Variants in RTKN observed in about 807,000 individuals in gnomAD.
RTKN encodes the protein rhotekin.
In RTKN, 49 loss-of-function variants were observed where a neutral mutation model predicts 63.5. That is an observed-to-expected ratio of 0.77 (90% confidence interval 0.61 to 0.98). The LOEUF is 0.98. Among genes scored for constraint, RTKN ranks in the 50% least tolerant of loss-of-function variants. The pLI, the probability that RTKN is intolerant of heterozygous loss-of-function variation, is 0.00. For missense variants in RTKN, 685 were observed against 740.8 expected, an observed-to-expected ratio of 0.92 and a Z score of 0.87; for synonymous variants, 295 against 290.4, an observed-to-expected ratio of 1.02 and a Z score of -0.16.
chr2:74,437,495 C>T (rs1671124703), intron 1 of RTKN, among the ~76,000 whole-genome samples: 1 of 152,130 alleles, frequency 6.6e-6, no homozygotes, highest in South Asian at 2.1e-4. Flanking sequence ...AGAACTTGAA[C>T]AGGCCTTCCA....
rs566809905 is a variant in RTKN at position 74,428,161 on chromosome 2, G to C, written c.1086+107C>G. ...CTGGATGTGGCACTGTCAGGAGCAG[G>C]AGGCCTGCTTCTATCTCTCTGAGGT... On this transcript the variant is annotated intron_variant, in intron 9 of 11. Transcript: ENST00000272430. 8 of 1,457,572 alleles carry C rather than the reference G, an allele frequency of 5.5e-6. No homozygotes were observed. The South Asian group carries it at 9.6e-5, about 17-fold the overall frequency. The allele number at this position is 1,457,572 out of a possible 1,614,324, so 90.3% of individuals were successfully genotyped here.
At position 74,436,697 on chromosome 2, in the gene RTKN, ACCT is replaced by A. The variant is rs1671081080; in HGVS notation, c.112-4034_112-4032del. On this transcript the variant is annotated intron_variant, in intron 1 of 11. Coordinates refer to ENST00000272430, the MANE Select transcript of RTKN (RefSeq NM_001015055.2). The surrounding 1 kb of genome is among the most constrained non-coding windows in gnomAD (Gnocchi z 4.3). Reference sequence around the variant, plus strand: ...GATGAGTGGGACCACGAGTCCAGACACCTCCTCTATTTCCCTACTGATCTCCAG... The same window carrying A: ...GATGAGTGGGACCACGAGTCCAGACACCTCTATTTCCCTACTGATCTCCAG... Among the ~76,000 whole-genome samples the A allele has an allele frequency of 6.6e-6, 1 of 151,964 alleles. No homozygotes were observed. Among genetic ancestry groups the A allele is most frequent in the African/African-American group, 2.4e-5 (1 of 41,376 alleles).
At chr2:74,441,027 C>T (rs1671339758) in intron 1 of RTKN, among the ~76,000 whole-genome samples, 1 of 152,266 alleles carries the variant, frequency 6.6e-6, no homozygotes, top group Admixed American at 6.5e-5. Flanking sequence ...CACACACCTT[C>T]AGCCCCGCCC....
intron 1 of RTKN, among the ~76,000 whole-genome samples, chr2:74,437,622 C>T (rs912961510): frequency 1.3e-5 from 2 of 152,208 alleles, no homozygotes; most frequent in African/African-American, 4.8e-5. Context: ...CAGTAGCCAT[C>T]TAGCACTTGA....
At position 74,440,321 on chromosome 2, in the gene RTKN, T is replaced by C. The variant is rs9808137; in HGVS notation, c.111+1385A>G. The C allele has an allele frequency of 5.2e-3, 5,146 of 980,594 alleles. 220 individuals carry two copies. The African/African-American group carries it at 0.082, about 16-fold the overall frequency. The allele number at this position is 980,594 out of a possible 1,614,324, so 60.7% of individuals were successfully genotyped here. A position where few individuals can be genotyped will look rare whatever the true frequency, so the allele number is the denominator to read the frequency against. On this transcript the variant is annotated intron_variant, in intron 1 of 11. Transcript: ENST00000272430. ...CACCCCTTCCAACTCAGGGCCCCCA[T>C]CCAGCCCGCTCCACCCTGGGCTCAC... is the stretch of plus-strand genomic sequence containing the variant.
chr2:74,425,940 C>A lies in RTKN; in HGVS notation c.*303G>T. On this transcript the variant is annotated 3_prime_UTR_variant, in exon 12 of 12. Coordinates refer to ENST00000272430, the MANE Select transcript of RTKN (RefSeq NM_001015055.2). ...AGTCACAAGGGAGGTATGTTTGCTC[C>A]AAGGGTTCTTCAGTGCCATCCTCAA... 1.4e-6 allele frequency: 1 copy of A among 705,910 alleles called. No homozygotes were observed. Among genetic ancestry groups the A allele is most frequent in the Non-Finnish European group, 2.3e-6 (1 of 433,934 alleles). The allele number at this position is 705,910 out of a possible 1,614,324, so 43.7% of individuals were successfully genotyped here.
At position 74,428,693 on chromosome 2, in the gene RTKN, G is replaced by T; in HGVS notation, c.895C>A (p.Arg299Ser). The T allele has an allele frequency of 6.2e-7, 1 of 1,613,986 alleles. No homozygotes were observed. The highest frequency in any genetic ancestry group is 8.5e-7 in the Non-Finnish European group (1 of 1,179,984). The part of the protein sequence containing the change: ...WLPLYGSVCC[R>S]LAAQPLCMTQ... ...ATGCAGAGAGGCTGAGCTGCCAGAC[G>T]GCAACACACGCTACCATAAAGGGGC... The change falls in exon 8 of 12, where the codon CGT (arginine) becomes AGT (serine). Residue 299 changes from arginine (R) to serine (S), a missense_variant. Coordinates refer to ENST00000272430, the MANE Select transcript of RTKN (RefSeq NM_001015055.2).
intron 8 of RTKN, 90 bp downstream of exon 8, chr2:74,428,541 T>C (rs1670548811): frequency 1.9e-6 from 3 of 1,542,832 alleles, no homozygotes; most frequent in Non-Finnish European, 1.8e-6. Flanking sequence ...TCCACCCAAA[T>C]CTTGATTTTT....
rs144524432 is a variant in RTKN at position 74,429,894 on chromosome 2, C to A, written c.689G>T (p.Arg230Leu). 1.2e-6 allele frequency: 2 copies of A among 1,614,210 alleles called. No individual in the cohort carries two copies. The highest frequency in any genetic ancestry group is 8.5e-7 in the Non-Finnish European group (1 of 1,180,036). ...ACCCCCAGCACTGTCCAGCGATGCC[C>A]GGACACGCCTCCCTGAGGAGCGGCC... ...SLGRSSGRRV[R>L]ASLDSAGGSG... Residue 230 changes from arginine (R) to leucine (L), a missense_variant, in exon 6 of 12, where the codon CGG becomes CTG. Physicochemically the swap from Arg to Leu is moderately radical, Grantham distance 102 (BLOSUM62 -2). Transcript: ENST00000272430.
Position 74,426,253 on chromosome 2 carries a change from G to A in RTKN, c.1682C>T (p.Ser561Leu). ...CAGCACCTTTCTCTCTCACACTGGT[G>A]ACTGGAGCCAAGTGCGAGGTTGGCC... The part of the protein sequence containing the change: ...SKGQPRTWLQ[S>L]PV The change falls in exon 12 of 12, where the codon TCA (serine) becomes TTA (leucine). Residue 561 changes from serine to leucine, a missense_variant. Transcript: ENST00000272430. 6.2e-7 allele frequency: 1 copy of A among 1,613,888 alleles called. No individual in the cohort carries two copies. Among genetic ancestry groups the A allele is most frequent in the Non-Finnish European group, 8.5e-7 (1 of 1,179,774 alleles).
chr2:74,426,327 G>A lies in RTKN; in HGVS notation c.1608C>T (p.Ala536=), dbSNP rs1670385917. 2.5e-6 allele frequency: 4 copies of A among 1,613,596 alleles called. No homozygotes were observed. The highest frequency in any genetic ancestry group is 3.4e-6 in the Non-Finnish European group (4 of 1,179,818). ...GTGGGGATCGCTGAGGTGGGAGGGG[G>A]GCAACCGAGCGAGCCCTAGGGGAGT... ...PDHSPRARSV[A]PLPPQRSPRT... Residue 536 remains alanine (A), a synonymous_variant, in exon 12 of 12, where the codon GCC becomes GCT. Coordinates refer to ENST00000272430, the MANE Select transcript of RTKN (RefSeq NM_001015055.2).
chr2:74,428,119 A>T, intron 9 of RTKN, 149 bp downstream of exon 9: 1 of 957,800 alleles, frequency 1.0e-6, no homozygotes, highest in Non-Finnish European at 1.6e-6. Context: ...AGTTGGGGAA[A>T]ATACGGGCCC....
At chr2:74,440,201 G>T in intron 1 of RTKN, 2 of 443,508 alleles carry the variant, frequency 4.5e-6, no homozygotes, top group Non-Finnish European at 6.1e-6. Context: ...TGAGAAAGTT[G>T]GGAAAAAGAG....
chr2:74,439,816 T>C (rs1046071363), intron 1 of RTKN: 2 of 1,401,156 alleles, frequency 1.4e-6, no homozygotes, highest in Non-Finnish European at 1.9e-6. Context: ...TGTGACAAAT[T>C]TTCCTCGCCC....
chr2:74,428,140 A>T, intron 9 of RTKN, 128 bp downstream of exon 9: 2 of 1,211,644 alleles, frequency 1.7e-6, no homozygotes, highest in South Asian at 2.7e-5. Context: ...CTGAAGCTGG[A>T]TGTGGCACTG....
chr2:74,429,610 AGTCT>A (rs1670620251), intron 6 of RTKN, among the ~76,000 whole-genome samples: 1 of 152,218 alleles, frequency 6.6e-6, no homozygotes, highest in Non-Finnish European at 1.5e-5. Context: ...CCAGGGCCTA[AGTCT>A]CCCTGCCTTC....
rs1296703441 is a variant in RTKN at position 74,436,722 on chromosome 2, C to T, written c.112-4056G>A. Among the ~76,000 whole-genome samples the T allele has an allele frequency of 6.6e-6, 1 of 152,114 alleles. No individual in the cohort carries two copies. The highest frequency in any genetic ancestry group is 1.5e-5 in the Non-Finnish European group (1 of 67,998). ...ACCTCCTCTATTTCCCTACTGATCT[C>T]CAGCCCCAAATCCACTCTCCCAAGG... On this transcript the variant is annotated intron_variant, in intron 1 of 11. Transcript: ENST00000272430. The surrounding 1 kb of genome is among the most constrained non-coding windows in gnomAD (Gnocchi z 4.3).
Position 74,426,524 on chromosome 2 carries a change from G to A in RTKN, c.1411C>T (p.Arg471Trp), listed in dbSNP as rs1028121253. Reference protein sequence around the residue: ...IAAVTDILTQREGARLETPPP... With the variant: ...IAAVTDILTQWEGARLETPPP... ...GGTGTCTCCAGCCTTGCGCCCTCCC[G>A]CTGGGTCAGGATGTCTGTCACCGCT... The change falls in exon 12 of 12, where the codon CGG becomes TGG. Residue 471 changes from arginine to tryptophan, a missense_variant. Physicochemically the swap from Arg to Trp is moderately radical, Grantham distance 101. Coordinates refer to ENST00000272430, the MANE Select transcript of RTKN (RefSeq NM_001015055.2). 8 of 1,555,692 alleles carry A rather than the reference G, an allele frequency of 5.1e-6. No homozygotes were observed. In the East Asian group the frequency reaches 6.8e-5, roughly 13 times the overall value.
chr2:74,439,671 GA>G, intron 1 of RTKN: 1 of 1,611,084 alleles, frequency 6.2e-7, no homozygotes, highest in Non-Finnish European at 8.5e-7. Context: ...CCAGAGGGGG[GA>G]CAGATAGGTA....
Sources: gnomAD v4.1 joint callset for allele counts (sites outside exome capture counted in the v4.1 genomes callset) on GRCh38, gnomAD v4.1.1 for gene constraint, Gnocchi (gnomAD v3.1) non-coding constraint, MANE v1.5 for transcripts, NCBI Gene and HGNC (gene_info 2026-07-23, HGNC 2026-07-21) for gene names.